CLNK: variants seen among roughly 807,000 people sequenced by gnomAD.
CLNK encodes the protein cytokine-dependent hematopoietic cell linker.
Under a neutral mutation model 68.6 loss-of-function variants are expected in CLNK, and 74 were observed. That is an observed-to-expected ratio of 1.08 (90% CI 0.89 to 1.31). The LOEUF (loss-of-function observed/expected upper bound fraction) is 1.31. CLNK is among the 50% of genes most tolerant of loss of function. The pLI is 0.00. For synonymous variants in CLNK, 198 were observed against 172.2 expected (o/e 1.15, Z -1.17); for missense variants, 553 against 515.3 (o/e 1.07, Z -0.71).
chr4:10,592,638 G>A (rs568775986), intron 3 of CLNK, among the ~76,000 whole-genome samples: 1 of 152,074 alleles, frequency 6.6e-6, no homozygotes, highest in Non-Finnish European at 1.5e-5. Flanking sequence ...GTTCTGCCTT[G>A]ATTCTTCCTT....
the CLNK span, among the ~76,000 whole-genome samples, chr4:10,716,686 C>CT: frequency 8.6e-4 from 114 of 132,928 alleles, no homozygotes; most frequent in African/African-American, 1.2e-3. Flanking sequence ...AGACAGAAAA[C>CT]TTTTTTTTTT....
chr4:10,632,147 T>C (rs1397111632), intron 2 of CLNK, among the ~76,000 whole-genome samples: 1 of 152,226 alleles, frequency 6.6e-6, no homozygotes, highest in African/African-American at 2.4e-5. Flanking sequence ...CAGACTTCCT[T>C]GGTTCAGTGA....
chr4:10,577,953 AGTTTTAGGTTTAAATCCTGGCCCT>A (rs1720632531), intron 4 of CLNK, among the ~76,000 whole-genome samples: 2 of 152,172 alleles, frequency 1.3e-5, no homozygotes, highest in Admixed American at 1.3e-4. Flanking sequence ...TGAGTCGAGA[AGTTTTAGGTTTAAATCCTGGCCCT>A]GTCACTCTTG....
the CLNK span, among the ~76,000 whole-genome samples, chr4:10,730,951 T>C: frequency 6.6e-6 from 1 of 152,220 alleles, no homozygotes; most frequent in Non-Finnish European, 1.5e-5. Context: ...AAGGTTTAGT[T>C]AGGAAGGAAA....
the CLNK span, among the ~76,000 whole-genome samples, chr4:10,696,485 C>T: frequency 6.6e-5 from 10 of 152,152 alleles, no homozygotes; most frequent in East Asian, 3.9e-4. Context: ...ACCAACCACA[C>T]GGCAGTCTAG....
At chr4:10,576,863 G>C (rs1388820318) in intron 4 of CLNK, among the ~76,000 whole-genome samples, 1 of 152,202 alleles carries the variant, frequency 6.6e-6, no homozygotes, top group Non-Finnish European at 1.5e-5. Flanking sequence ...TAGGTAAATA[G>C]AGACTCTCAG....
At chr4:10,633,331 G>A (rs535202260) in intron 2 of CLNK, among the ~76,000 whole-genome samples, 24 of 152,216 alleles carry the variant, frequency 1.6e-4, no homozygotes, top group African/African-American at 5.1e-4. Context: ...AGTCGACAGC[G>A]TTATTCTTTG....
intron 18 of CLNK, among the ~76,000 whole-genome samples, chr4:10,493,468 G>C (rs558355768): frequency 1.3e-5 from 2 of 152,220 alleles, no homozygotes; most frequent in South Asian, 4.1e-4. Context: ...TTAATGCTGT[G>C]TCCTCACATG....
At chr4:10,708,105 G>A in the CLNK span, among the ~76,000 whole-genome samples, 3 of 152,180 alleles carry the variant, frequency 2.0e-5, no homozygotes, top group Admixed American at 6.5e-5. Context: ...CCAATGACAG[G>A]AGGAAGTGGC....
At chr4:10,571,817 G>C (rs1720366833) in intron 4 of CLNK, 39 bp from the exon 5 acceptor site, 1 of 1,550,568 alleles carries the variant, frequency 6.4e-7, no homozygotes, top group Non-Finnish European at 8.9e-7. Context: ...TTTAATCACT[G>C]TGGTAGCTCC....
intron 7 of CLNK, among the ~76,000 whole-genome samples, chr4:10,563,068 T>A (rs1431056879): frequency 6.6e-6 from 1 of 152,238 alleles, no homozygotes; most frequent in Non-Finnish European, 1.5e-5. Context: ...TCACTCGTCT[T>A]GCTCCTTCAG....
At chr4:10,707,834 A>C in the CLNK span, among the ~76,000 whole-genome samples, 3 of 152,238 alleles carry the variant, frequency 2.0e-5, no homozygotes, top group African/African-American at 7.2e-5. Flanking sequence ...AACAAGACCC[A>C]GTGGCCACTC....
At position 10,540,818 on chromosome 4, in the gene CLNK, T is replaced by C. The variant is rs71605906; in HGVS notation, c.492-214A>G. Among the ~76,000 whole-genome samples the C allele has an allele frequency of 5.7e-3, 873 of 152,248 alleles. 12 individuals carry two copies. The highest frequency in any genetic ancestry group is 6.0e-3 in the Non-Finnish European group (411 of 68,010). ...TATGGGGAGTCAATGTGCTCCTCCA[T>C]AGTGCACCTGTTTTGGCTTTAGGAG... On this transcript the variant is annotated intron_variant, in intron 10 of 18. Coordinates refer to ENST00000226951, the MANE Select transcript of CLNK (RefSeq NM_052964.4).
chr4:10,659,864 T>C (rs1724126507), intron 2 of CLNK, among the ~76,000 whole-genome samples: 1 of 152,240 alleles, frequency 6.6e-6, no homozygotes, highest in East Asian at 1.9e-4. Flanking sequence ...TTAAAAACTT[T>C]TGGCAATCAT....
chr4:10,547,661 G>C (rs1009314014), intron 8 of CLNK, among the ~76,000 whole-genome samples: 2 of 151,922 alleles, frequency 1.3e-5, no homozygotes, highest in African/African-American at 2.4e-5. Flanking sequence ...CCTCCTCCTT[G>C]CTCCTGGCAG....
chr4:10,651,653 G>A (rs1358788927), intron 2 of CLNK, among the ~76,000 whole-genome samples: 1 of 151,940 alleles, frequency 6.6e-6, no homozygotes, highest in Non-Finnish European at 1.5e-5. Flanking sequence ...CTAACTATTT[G>A]GGTAAATATT....
intron 5 of CLNK, among the ~76,000 whole-genome samples, chr4:10,569,358 T>G (rs1720251870): frequency 6.6e-6 from 1 of 151,960 alleles, no homozygotes; most frequent in South Asian, 2.1e-4. Context: ...TTCTCTGGGT[T>G]TCTCCCTCTC....
intron 8 of CLNK, among the ~76,000 whole-genome samples, chr4:10,557,616 C>T (rs1013221985): frequency 2.6e-5 from 4 of 152,232 alleles, no homozygotes; most frequent in Non-Finnish European, 5.9e-5. Flanking sequence ...CCCTATACCA[C>T]AATCACCTGG....
At chr4:10,723,331 G>A in the CLNK span, among the ~76,000 whole-genome samples, 1 of 152,172 alleles carries the variant, frequency 6.6e-6, no homozygotes, top group South Asian at 2.1e-4. Flanking sequence ...ATTTGGTTCA[G>A]GTTCTAATTA....
Sources: allele counts gnomAD v4.1 joint callset (sites outside exome capture counted in the v4.1 genomes callset), GRCh38; gene constraint gnomAD v4.1.1; transcripts MANE v1.5; gene names NCBI Gene and HGNC (gene_info 2026-07-23, HGNC 2026-07-21).